Variants in SORD observed in about 807,000 individuals in gnomAD.
The protein encoded by SORD is sorbitol dehydrogenase, also known as (R,R)-butanediol dehydrogenase.
A neutral mutation model predicts 35.6 loss-of-function variants in SORD; 18 were observed. The observed-to-expected ratio is 0.51, with a 90% confidence interval of 0.35 to 0.75. The LOEUF (loss-of-function observed/expected upper bound fraction) is 0.75, where lower values mean the gene tolerates loss of function less well. Ranked by LOEUF, SORD falls within the 30% of genes least tolerant of loss-of-function variation. The probability of loss-of-function intolerance (pLI) is 0.01; values close to 1 mark genes in which losing one functional copy is unlikely to be tolerated. For missense variants in SORD, 250 were observed against 390.2 expected, an observed-to-expected ratio of 0.64 and a Z score of 3.03; for synonymous variants, 106 against 152.9, an observed-to-expected ratio of 0.69 and a Z score of 2.26.
intron 5 of SORD, among the ~76,000 whole-genome samples, chr15:45,066,522 G>C (rs914781453): frequency 1.3e-4 from 20 of 152,132 alleles, no homozygotes; most frequent in African/African-American, 4.8e-4. Context: ...GCCAGTGGGA[G>C]GAGTGAGCAG....
At chr15:45,049,615 G>C (rs1055943903) in intron 3 of SORD, among the ~76,000 whole-genome samples, 10 of 152,110 alleles carry the variant, frequency 6.6e-5, no homozygotes, top group African/African-American at 2.4e-4. Flanking sequence ...AGCTCCCTTG[G>C]TCTTATTTTC....
At chr15:45,057,238 T>C (rs1893231721) in intron 3 of SORD, among the ~76,000 whole-genome samples, 1 of 152,182 alleles carries the variant, frequency 6.6e-6, no homozygotes, top group Non-Finnish European at 1.5e-5. Context: ...AGCACAGCAG[T>C]AAAACAAAAA....
chr15:45,029,871 T>C (rs115908528), intron 1 of SORD, among the ~76,000 whole-genome samples: 31,228 of 150,812 alleles, frequency 0.21, no homozygotes, highest in African/African-American at 0.44. Flanking sequence ...CGAAGTCAGG[T>C]CATTTCCCCC....
intron 3 of SORD, among the ~76,000 whole-genome samples, chr15:45,051,100 T>C (rs1893116949): frequency 6.6e-6 from 1 of 152,196 alleles, no homozygotes; most frequent in African/African-American, 2.4e-5. Flanking sequence ...ATAAACTATC[T>C]TTTGAAGATG....
intron 3 of SORD, among the ~76,000 whole-genome samples, chr15:45,060,633 A>G (rs763436767): frequency 7.2e-5 from 11 of 152,248 alleles, no homozygotes; most frequent in Non-Finnish European, 1.5e-4. Context: ...TCTTCCAAAC[A>G]GATGAAGAAA....
At position 45,069,194 on chromosome 15, in the gene SORD, CTTTTTTTTTTTTTTT is replaced by C. The variant is rs752540495; in HGVS notation, c.786+158_786+172del. On this transcript the variant is annotated intron_variant, in intron 7 of 8. Transcript: ENST00000267814. ...CTTTTGCCATCTATGTTTTCTTTTT[CTTTTTTTTTTTTTTT>C]TTTTTTTTTTTTTTTGAGACAGAGT... 1.2e-4 allele frequency: 14 copies of C among 115,138 alleles called. 1 individual carries two copies. Among genetic ancestry groups the C allele is most frequent in the African/African-American group, 9.7e-5 (3 of 30,848 alleles). 7.1% of individuals were successfully genotyped at this position (115,138 alleles called of 1,614,324 possible). A position where few individuals can be genotyped will look rare whatever the true frequency, so the allele number is the denominator to read the frequency against.
In SORD at chr15:45,040,459, A is replaced by T. The variant is rs1277475743; in HGVS notation, c.100+18A>T. On this transcript the variant is annotated intron_variant, in intron 2 of 8. Transcript: ENST00000267814. ...CCCAAATGGTAAGTTCTTGGGAAACATGACTTATATTTTATTATTTCCTGT... is the reference window on the plus strand; with the variant it reads ...CCCAAATGGTAAGTTCTTGGGAAACTTGACTTATATTTTATTATTTCCTGT... 5 of 1,562,248 alleles carry T rather than the reference A, an allele frequency of 3.2e-6. No homozygotes were observed. Among genetic ancestry groups the T allele is most frequent in the Middle Eastern group, 1.7e-4 (1 of 5,982 alleles).
intron 3 of SORD, chr15:45,058,788 A>C (rs1893256711): frequency 6.6e-6 from 1 of 152,236 alleles, no homozygotes; most frequent in South Asian, 2.1e-4. Context: ...GGTTTTTATA[A>C]GAAACTTCCC....
At chr15:45,029,004 G>C (rs78939877) in intron 1 of SORD, among the ~76,000 whole-genome samples, 31,248 of 150,818 alleles carry the variant, frequency 0.21, no homozygotes, top group African/African-American at 0.44. Flanking sequence ...CATGAAGCAG[G>C]AGCTGGATTA....
chr15:45,039,185 C>G (rs183393446), intron 1 of SORD, among the ~76,000 whole-genome samples: 10 of 151,994 alleles, frequency 6.6e-5, no homozygotes, highest in South Asian at 2.1e-4. Context: ...CTGAAGTGCA[C>G]TGGCACAATC....
intron 1 of SORD, 38 bp downstream of exon 1, chr15:45,023,387 G>T: frequency 6.7e-7 from 1 of 1,500,222 alleles, no homozygotes; most frequent in Non-Finnish European, 8.9e-7. Flanking sequence ...TACCGATCCT[G>T]CCTCACTCTC....
chr15:45,065,178 T>G, intron 4 of SORD, 93 bp from the exon 5 acceptor site: 6 of 1,143,148 alleles, frequency 5.2e-6, no homozygotes, highest in Non-Finnish European at 7.6e-6. Flanking sequence ...ATGCTAGCTA[T>G]GGTTGTTATT....
intron 1 of SORD, among the ~76,000 whole-genome samples, chr15:45,037,574 T>C (rs1202312580): frequency 6.6e-6 from 1 of 152,162 alleles, no homozygotes; most frequent in East Asian, 1.9e-4. Context: ...TAGTCTTTAG[T>C]TTCAATTTAA....
chr15:45,041,108 C>T (rs566293062), intron 2 of SORD, among the ~76,000 whole-genome samples: 36 of 152,208 alleles, frequency 2.4e-4, no homozygotes, highest in Non-Finnish European at 3.4e-4. Flanking sequence ...GACATGCTGA[C>T]GCCCAAGGTG....
Position 45,023,328 on chromosome 15 carries a change from C to T in SORD, c.45C>T (p.His15=), listed in dbSNP as rs989367795. 3 of 1,588,670 alleles carry T rather than the reference C, an allele frequency of 1.9e-6. No homozygotes were observed. The highest frequency in any genetic ancestry group is 2.7e-5 in the African/African-American group (2 of 73,458). ...AKPNNLSLVV[H]GPGDLRLENY... is the part of the protein sequence containing the mutation. Reference sequence around the variant, plus strand: ...CCAACAACCTTTCCCTGGTGGTGCACGGACCGGGGGACTTGCGCCTGGTAA... The same window carrying T: ...CCAACAACCTTTCCCTGGTGGTGCATGGACCGGGGGACTTGCGCCTGGTAA... Residue 15 remains histidine, a synonymous_variant, in exon 1 of 9, where the codon CAC becomes CAT. Transcript: ENST00000267814.
intron 3 of SORD, chr15:45,050,594 C>G (rs904169022): frequency 6.6e-6 from 1 of 152,172 alleles, no homozygotes; most frequent in Non-Finnish European, 1.5e-5. Flanking sequence ...GCAACTCCAG[C>G]TTGATTTTTT....
In SORD at chr15:45,061,204, C is replaced by G; in HGVS notation, c.403C>G (p.His135Asp). Residue 135 changes from histidine (H) to aspartate (D), a missense_variant, in exon 4 of 9, where the codon CAC becomes GAC. Around this residue, in one of 8 missense-constraint regions of SORD, gnomAD observed 126 missense variants for 148.7 expected, o/e 0.85. Coordinates refer to ENST00000267814, the MANE Select transcript of SORD (RefSeq NM_003104.6). ...DDGNLCRFYK[H>D]NAAFCYKLPD... ...CGGGAACCTCTGCCGGTTCTATAAG[C>G]ACAATGCAGCCTTTTGTTACAAGTT... 6.2e-7 allele frequency: 1 copy of G among 1,614,218 alleles called. No homozygotes were observed. Among genetic ancestry groups the G allele is most frequent in the Non-Finnish European group, 8.5e-7 (1 of 1,180,036 alleles).
At position 45,057,449 on chromosome 15, in the gene SORD, T is replaced by G. The variant is rs115360908; in HGVS notation, c.266-3618T>G. Among the ~76,000 whole-genome samples, 618 of 152,314 alleles carry G rather than the reference T, an allele frequency of 4.1e-3. 1 individual carries two copies. The highest frequency in any genetic ancestry group is 0.015 in the African/African-American group (603 of 41,562). On this transcript the variant is annotated intron_variant, in intron 3 of 8. Coordinates refer to ENST00000267814, the MANE Select transcript of SORD (RefSeq NM_003104.6). ...TCCAAGCATAATTGTTAAGAACATGTGTATTAAATTCATCTAAGTAGAATA... is the reference window on the plus strand; with the variant it reads ...TCCAAGCATAATTGTTAAGAACATGGGTATTAAATTCATCTAAGTAGAATA...
intron 3 of SORD, among the ~76,000 whole-genome samples, chr15:45,055,501 G>A (rs1390691928): frequency 6.6e-6 from 1 of 152,138 alleles, no homozygotes; most frequent in Non-Finnish European, 1.5e-5. Flanking sequence ...ATAATCAATA[G>A]CTTACCAACC....
Sources: allele counts gnomAD v4.1 joint callset (sites outside exome capture counted in the v4.1 genomes callset), GRCh38; gene constraint gnomAD v4.1.1; regional missense constraint gnomAD v4.1.1; transcripts MANE v1.5; gene names NCBI Gene and HGNC (gene_info 2026-07-23, HGNC 2026-07-21).